Variants in CLTCL1 observed in about 807,000 individuals in gnomAD.
The protein encoded by CLTCL1 is clathrin heavy chain like 1, also known as clathrin heavy chain 2.
A neutral mutation model predicts 190.0 loss-of-function variants in CLTCL1; 159 were observed. The observed-to-expected ratio is 0.84, with a 90% CI of 0.74 to 0.95. CLTCL1 has a LOEUF of 0.95. Among genes scored for constraint, CLTCL1 ranks in the 40% least tolerant of loss-of-function variants. CLTCL1 has a pLI of 0.00. For synonymous variants in CLTCL1, 752 were observed against 769.6 expected (o/e 0.98, Z 0.38); for missense variants, 1,878 against 2,033.4 (o/e 0.92, Z 1.47).
Position 19,216,162 on chromosome 22 carries a change from A to G in CLTCL1, c.3014T>C (p.Ile1005Thr). The G allele has an allele frequency of 1.9e-6, 3 of 1,613,964 alleles. No homozygotes were observed. The highest frequency in any genetic ancestry group is 2.5e-6 in the Non-Finnish European group (3 of 1,179,834). ...FMTADLPNELIELLEKIVLDN... is the reference protein window; with the variant it reads ...FMTADLPNELTELLEKIVLDN... ...CAGAACTATCTTCTCCAGCAGTTCA[A>G]TCAGTTCATTAGGCAGGTCGGCTGT... The change falls in exon 19 of 33, where the codon ATT (isoleucine) becomes ACT (threonine). Residue 1005 changes from isoleucine (I) to threonine (T), a missense_variant. Transcript: ENST00000427926.
intron 11 of CLTCL1, among the ~76,000 whole-genome samples, chr22:19,227,837 AC>A (rs2085800414): frequency 6.6e-6 from 1 of 152,062 alleles, no homozygotes; most frequent in African/African-American, 2.4e-5. Context: ...GGCTCTGCTC[AC>A]CTTGGCCTCC....
At chr22:19,278,676 C>T (rs782394909) in intron 1 of CLTCL1, among the ~76,000 whole-genome samples, 1 of 152,186 alleles carries the variant, frequency 6.6e-6, no homozygotes, top group Non-Finnish European at 1.5e-5. Context: ...TAGTTCCCTG[C>T]TGGCTTATAC....
At chr22:19,223,188 G>A (rs998679290) in intron 14 of CLTCL1, among the ~76,000 whole-genome samples, 3 of 152,146 alleles carry the variant, frequency 2.0e-5, no homozygotes, top group Admixed American at 1.3e-4. Context: ...AAACACACCC[G>A]GCCACCATTC....
intron 2 of CLTCL1, among the ~76,000 whole-genome samples, chr22:19,269,911 T>C (rs941385292): frequency 6.0e-5 from 9 of 150,844 alleles, no homozygotes; most frequent in African/African-American, 2.2e-4. Flanking sequence ...TAAACCTGCA[T>C]GTTCTGCACA....
intron 29 of CLTCL1, chr22:19,184,789 G>A (rs1264316201): frequency 8.7e-6 from 3 of 343,028 alleles, no homozygotes; most frequent in South Asian, 2.2e-5. Flanking sequence ...GAAGCTCCCA[G>A]TCAGTGTCCC....
At position 19,183,724 on chromosome 22, in the gene CLTCL1, G is replaced by A. The variant is rs148986353; in HGVS notation, c.4606-113C>T. The stretch of plus-strand genomic sequence containing the variant: ...CTAGACTCCACCAAGGACTTCCTGC[G>A]CTGTGGAGCAAGCCTGGACCCATGG... On this transcript the variant is annotated intron_variant, in intron 29 of 32. Transcript: ENST00000427926. 103 of 1,022,908 alleles carry A rather than the reference G, an allele frequency of 1.0e-4. 2 individuals carry two copies. The East Asian group carries it at 2.4e-3, about 24-fold the overall frequency. 63.4% of individuals were successfully genotyped at this position (1,022,908 alleles called of 1,614,324 possible). A position where few individuals can be genotyped will look rare whatever the true frequency, so the allele number is the denominator to read the frequency against.
rs1555982954 is a variant in CLTCL1, at chr22:19,275,754, A to G, written c.119T>C (p.Ile40Thr). The G allele has an allele frequency of 5.6e-6, 9 of 1,610,168 alleles. No homozygotes were observed. Among genetic ancestry groups the G allele is most frequent in the Admixed American group, 1.7e-5 (1 of 59,426 alleles). Residue 40 changes from isoleucine (I) to threonine (T), a missense_variant, in exon 2 of 33, where the codon ATC (isoleucine) becomes ACC (threonine). By Grantham distance (89) the Ile-to-Thr change is moderately conservative. Coordinates refer to ENST00000427926, the MANE Select transcript of CLTCL1 (RefSeq NM_007098.4). Reference protein sequence around the residue: ...LTMESDKFICIREKVGEQAQV... With the variant: ...LTMESDKFICTREKVGEQAQV... Reference sequence around the variant, plus strand: ...TGCCTGCTCACCAACTTTCTCTCGGATACATATGAACTTGTCAGATTCCAT... The same window carrying G: ...TGCCTGCTCACCAACTTTCTCTCGGGTACATATGAACTTGTCAGATTCCAT...
chr22:19,221,222 G>A (rs1227640050), intron 17 of CLTCL1, among the ~76,000 whole-genome samples, 155 bp downstream of exon 17: 4 of 152,238 alleles, frequency 2.6e-5, no homozygotes, highest in African/African-American at 9.6e-5. Flanking sequence ...GCATGAGCAA[G>A]TTCCCAAAAG....
Position 19,219,989 on chromosome 22 carries a change from G to C in CLTCL1, c.2815C>G (p.Leu939Val), listed in dbSNP as rs2085516335. 7 of 1,613,918 alleles carry C rather than the reference G, an allele frequency of 4.3e-6. No homozygotes were observed. Among genetic ancestry groups the C allele is most frequent in the Admixed American group, 1.7e-5 (1 of 60,010 alleles). ...ELIKVCNENSLFKSEARYLVC... is the reference protein window; with the variant it reads ...ELIKVCNENSVFKSEARYLVC... ...AGGTAGCGGGCCTCGCTTTTGAACA[G>C]AGAATTCTCATTGCACACCTGAAAT... Residue 939 changes from leucine (L) to valine (V), a missense_variant, in exon 18 of 33, where the codon CTG becomes GTG. Coordinates refer to ENST00000427926, the MANE Select transcript of CLTCL1 (RefSeq NM_007098.4).
In CLTCL1 at chr22:19,185,826, G is replaced by T. The variant is rs547810407; in HGVS notation, c.4605+1732C>A. Among the ~76,000 whole-genome samples the T allele has an allele frequency of 3.9e-5, 6 of 152,352 alleles. No homozygotes were observed. The South Asian group carries it at 6.2e-4, about 16-fold the overall frequency. The stretch of plus-strand genomic sequence containing the variant: ...CACATGGGTAGGACAGAATGGCTGT[G>T]ATCAGCCAGCCGAGGGCAGCCTTCC... On this transcript the variant is annotated intron_variant, in intron 29 of 32. Transcript: ENST00000427926.
intron 22 of CLTCL1, among the ~76,000 whole-genome samples, chr22:19,202,655 T>C (rs1015728703): frequency 4.9e-5 from 7 of 142,998 alleles, no homozygotes; most frequent in African/African-American, 1.8e-4. Context: ...GCACCTCTTG[T>C]ACCACCCCTA....
At chr22:19,224,429 T>C (rs1304351001) in intron 13 of CLTCL1, among the ~76,000 whole-genome samples, 2 of 152,152 alleles carry the variant, frequency 1.3e-5, no homozygotes, top group East Asian at 3.9e-4. Context: ...AAATAAGCCA[T>C]GGCCTCCAGG....
intron 5 of CLTCL1, among the ~76,000 whole-genome samples, chr22:19,237,793 G>A (rs1555962940): frequency 6.6e-6 from 1 of 152,188 alleles, no homozygotes; most frequent in African/African-American, 2.4e-5. Context: ...ATTTTCATAA[G>A]AGTCCATCTG....
chr22:19,220,151 G>A, intron 17 of CLTCL1, 144 bp from the exon 18 acceptor site: 5 of 983,410 alleles, frequency 5.1e-6, no homozygotes, highest in Non-Finnish European at 6.2e-6. Flanking sequence ...GCTTTGACAT[G>A]GGATGAGCAG....
chr22:19,284,995 G>T (rs1034750574), intron 1 of CLTCL1, among the ~76,000 whole-genome samples: 1 of 151,290 alleles, frequency 6.6e-6, no homozygotes, highest in Non-Finnish European at 1.5e-5. Flanking sequence ...TTTGAAACAC[G>T]CTGGGCGCGG....
chr22:19,204,552 G>A (rs782753829), intron 22 of CLTCL1, among the ~76,000 whole-genome samples: 1 of 152,078 alleles, frequency 6.6e-6, no homozygotes, highest in Non-Finnish European at 1.5e-5. Flanking sequence ...ATGATTCACG[G>A]GGCAGAAATC....
chr22:19,224,620 G>A (rs1176895479), intron 13 of CLTCL1, among the ~76,000 whole-genome samples: 2 of 152,144 alleles, frequency 1.3e-5, no homozygotes, highest in Middle Eastern at 3.2e-3. Context: ...CCTCCCTGTC[G>A]AGGTCTTTCA....
chr22:19,183,294 A>G (rs1359565194), intron 30 of CLTCL1, 96 bp downstream of exon 30: 1 of 1,109,342 alleles, frequency 9.0e-7, no homozygotes, highest in African/African-American at 1.6e-5. Flanking sequence ...GGTTGGCCTC[A>G]AAGGGGCCCA....
chr22:19,237,371 G>A (rs1235963479), intron 5 of CLTCL1, among the ~76,000 whole-genome samples: 10 of 152,022 alleles, frequency 6.6e-5, no homozygotes, highest in Non-Finnish European at 1.5e-4. Flanking sequence ...GCAATTAACC[G>A]GATACATATG....
Sources: gnomAD v4.1 joint callset for allele counts (sites outside exome capture counted in the v4.1 genomes callset) on GRCh38, gnomAD v4.1.1 for gene constraint, MANE v1.5 for transcripts, NCBI Gene and HGNC (gene_info 2026-07-23, HGNC 2026-07-21) for gene names.